Variants in ANKRD28 observed in about 807,000 individuals in gnomAD.
ANKRD28 encodes the protein serine/threonine-protein phosphatase 6 regulatory ankyrin repeat subunit A.
In ANKRD28, 44 loss-of-function variants were observed where a neutral mutation model predicts 126.5. The observed-to-expected ratio is 0.35, with a 90% CI of 0.27 to 0.45. The LOEUF (loss-of-function observed/expected upper bound fraction) is 0.45. Among genes scored for constraint, ANKRD28 ranks in the 20% least tolerant of loss-of-function variants. ANKRD28 has a pLI of 1.00. For synonymous variants in ANKRD28, 442 were observed against 468.5 expected (o/e 0.94, Z 0.73); for missense variants, 1,110 against 1,316.6 (o/e 0.84, Z 2.43).
At chr3:15,774,511 T>A (rs2059166068) in intron 2 of ANKRD28, among the ~76,000 whole-genome samples, 1 of 152,108 alleles carries the variant, frequency 6.6e-6, no homozygotes, top group Non-Finnish European at 1.5e-5. Flanking sequence ...ACCCAAACAC[T>A]ACCTCACATT....
At chr3:15,765,741 G>A (rs1559495252) in intron 3 of ANKRD28, among the ~76,000 whole-genome samples, 2 of 151,772 alleles carry the variant, frequency 1.3e-5, no homozygotes, top group Non-Finnish European at 2.9e-5. Flanking sequence ...TCGGGAGGCT[G>A]AGGCAGGATA....
intron 26 of ANKRD28, 198 bp from the exon 27 acceptor site, chr3:15,676,187 T>C: frequency 2.5e-6 from 1 of 403,688 alleles, no homozygotes; most frequent in Non-Finnish European, 4.4e-6. Flanking sequence ...CTTGTCAACG[T>C]GTAGCTCGGC....
At chr3:15,709,615 A>G in intron 13 of ANKRD28, 53 bp downstream of exon 13, 2 of 1,271,664 alleles carry the variant, frequency 1.6e-6, no homozygotes, top group Non-Finnish European at 2.2e-6. Context: ...TAGAAGGTCA[A>G]TCAAGTTATT....
chr3:15,859,813 A>G (rs1223804573), upstream of ANKRD28: 3 of 150,946 alleles, frequency 2.0e-5, no homozygotes, highest in Non-Finnish European at 4.4e-5. Context: ...AAACTCCACA[A>G]TATTACCACC....
Position 15,817,121 on chromosome 3 carries a change from G to A in ANKRD28, c.28-21815C>T, listed in dbSNP as rs990051771. Among the ~76,000 whole-genome samples the A allele has an allele frequency of 1.3e-5, 2 of 152,150 alleles. No individual in the cohort carries two copies. The highest frequency in any genetic ancestry group is 4.8e-5 in the African/African-American group (2 of 41,428). On this transcript the variant is annotated intron_variant, in intron 1 of 27. Coordinates refer to the ANKRD28 transcript ENST00000399451. This position sits in a 1 kb window ranked among gnomAD's most constrained non-coding sequence, Gnocchi z 4.5. ...CCCAGTCTTCCACAGAGTGAGCATC[G>A]TTTAAGGTAGGGGCTGTGTCTCACT...
In ANKRD28 at chr3:15,789,510, A is replaced by G. The variant is rs182408536; in HGVS notation, c.201+5713T>C. 3.9e-5 allele frequency among the ~76,000 whole-genome samples: 6 copies of G among 152,208 alleles called. No individual in the cohort carries two copies. In the East Asian group the frequency reaches 5.8e-4, roughly 15 times the overall value. ...TTTCCAATGTCTTTGGTTGTCTCCCATAAGTACATGATACAGCAGTCATCT... is the reference window on the plus strand; with the variant it reads ...TTTCCAATGTCTTTGGTTGTCTCCCGTAAGTACATGATACAGCAGTCATCT... On this transcript the variant is annotated intron_variant, in intron 2 of 27. Transcript: ENST00000683139.
intron 4 of ANKRD28, among the ~76,000 whole-genome samples, chr3:15,738,115 C>G (rs1575458269): frequency 6.6e-6 from 1 of 151,920 alleles, no homozygotes; most frequent in Non-Finnish European, 1.5e-5. Context: ...GAACTAAACT[C>G]AACAAAATTT....
rs1468900907 is a variant in ANKRD28 at position 15,815,880 on chromosome 3, C to T, written c.28-20574G>A. ...TAACAGATATGGTAATAGAATTAGT[C>T]TGCCATATGGTGGCAGCAAATACCA... On this transcript the variant is annotated intron_variant, in intron 1 of 27. Coordinates refer to the ANKRD28 transcript ENST00000399451. The surrounding 1 kb of genome is among the most constrained non-coding windows in gnomAD (Gnocchi z 4.1). Among the ~76,000 whole-genome samples, 1 of 152,128 alleles carries T rather than the reference C, an allele frequency of 6.6e-6. No homozygotes were observed. Among genetic ancestry groups the T allele is most frequent in the Admixed American group, 6.5e-5 (1 of 15,280 alleles).
intron 4 of ANKRD28, among the ~76,000 whole-genome samples, chr3:15,737,447 A>T (rs1226145905): frequency 6.6e-6 from 1 of 152,038 alleles, no homozygotes; most frequent in African/African-American, 2.4e-5. Context: ...GAGCCATATA[A>T]GATGCATCAA....
chr3:15,777,431 G>A (rs961987482), intron 2 of ANKRD28, among the ~76,000 whole-genome samples: 6 of 152,150 alleles, frequency 3.9e-5, no homozygotes, highest in Non-Finnish European at 5.9e-5. Flanking sequence ...TCTGTGCAAC[G>A]CAATCTTAGG....
Position 15,815,757 on chromosome 3 carries a change from TA to T in ANKRD28, c.28-20452del, listed in dbSNP as rs1349644731. The stretch of plus-strand genomic sequence containing the variant: ...GGAAGGTCAGCTATAGTTCTAAACA[TA>T]AAAATCTGTTATTTCTTCCCTTGTC... On this transcript the variant is annotated intron_variant, in intron 1 of 27. Transcript: ENST00000399451. The surrounding 1 kb of genome is among the most constrained non-coding windows in gnomAD (Gnocchi z 4.1). Among the ~76,000 whole-genome samples, 3 of 152,172 alleles carry T rather than the reference TA, an allele frequency of 2.0e-5. No individual in the cohort carries two copies. Among genetic ancestry groups the T allele is most frequent in the African/African-American group, 7.2e-5 (3 of 41,440 alleles).
chr3:15,723,312 C>G (rs1440064344), intron 7 of ANKRD28, among the ~76,000 whole-genome samples: 1 of 152,214 alleles, frequency 6.6e-6, no homozygotes. Context: ...GTCATGTATT[C>G]TTTGTCCAAC....
intron 15 of ANKRD28, 29 bp downstream of exon 15, chr3:15,696,105 G>A (rs2069511904): frequency 7.1e-7 from 1 of 1,400,258 alleles, no homozygotes; most frequent in East Asian, 2.4e-5. Context: ...ACTCCCATTA[G>A]GTCTTTCACA....
At position 15,758,867 on chromosome 3, in the gene ANKRD28, G is replaced by A. The variant is rs184663960; in HGVS notation, c.281-7047C>T. ...TTCTTAATGCCAGAAACATCAGAAC[G>A]GTGTTTTCTAGTAAGGAGAGTATTT... On this transcript the variant is annotated intron_variant, in intron 3 of 27. Coordinates refer to ENST00000683139, the MANE Select transcript of ANKRD28 (RefSeq NM_001349278.2). Among the ~76,000 whole-genome samples the A allele has an allele frequency of 3.6e-3, 547 of 152,276 alleles. 2 individuals are homozygous for A. The highest frequency in any genetic ancestry group is 5.2e-3 in the South Asian group (25 of 4,828).
At chr3:15,841,130 CTG>C (rs1313067980) in intron 1 of ANKRD28, among the ~76,000 whole-genome samples, 1 of 152,138 alleles carries the variant, frequency 6.6e-6, no homozygotes, top group Non-Finnish European at 1.5e-5. Flanking sequence ...CAGAGCAAGA[CTG>C]TGTCTCAAAA....
intron 7 of ANKRD28, 114 bp from the exon 8 acceptor site, chr3:15,721,241 CAAGAT>C: frequency 1.2e-6 from 1 of 848,086 alleles, no homozygotes; most frequent in South Asian, 1.6e-5. Flanking sequence ...GAAACGGAGA[CAAGAT>C]AAGTACAGAG....
intron 3 of ANKRD28, among the ~76,000 whole-genome samples, chr3:15,753,832 A>G (rs1359691575): frequency 6.6e-6 from 1 of 152,048 alleles, no homozygotes. Flanking sequence ...CTGTAAGTCT[A>G]ATTACTCAGA....
At chr3:15,794,295 A>G (rs1169469089) in intron 2 of ANKRD28, among the ~76,000 whole-genome samples, 1 of 151,166 alleles carries the variant, frequency 6.6e-6, no homozygotes, top group Non-Finnish European at 1.5e-5. Flanking sequence ...TTTTGTATCT[A>G]CCTAACATTA....
At chr3:15,778,939 C>T (rs1429045279) in intron 2 of ANKRD28, among the ~76,000 whole-genome samples, 3 of 152,150 alleles carry the variant, frequency 2.0e-5, no homozygotes, top group African/African-American at 7.2e-5. Context: ...AAGTATGTAG[C>T]ATTTGCCCTG....
Sources: gnomAD v4.1 joint callset for allele counts (sites outside exome capture counted in the v4.1 genomes callset) on GRCh38, gnomAD v4.1.1 for gene constraint, Gnocchi (gnomAD v3.1) non-coding constraint, MANE v1.5 for transcripts, NCBI Gene and HGNC (gene_info 2026-07-23, HGNC 2026-07-21) for gene names.